Variants in CNBD1 observed in about 807,000 individuals in gnomAD.
CNBD1 encodes the protein cyclic nucleotide binding domain containing 1.
A neutral mutation model predicts 54.4 loss-of-function variants in CNBD1; 71 were observed. The ratio of observed to expected loss-of-function variants is 1.30; its 90% CI spans 1.08 to 1.59. CNBD1 has a LOEUF of 1.59. Ranked by LOEUF, CNBD1 falls within the 40% of genes most tolerant of loss-of-function variation. The pLI, the probability that CNBD1 is intolerant of heterozygous loss-of-function variation, is 0.00. For missense variants in CNBD1, 659 were observed against 518.0 expected (o/e 1.27, Z -2.64); for synonymous variants, 182 against 170.7 (o/e 1.07, Z -0.51).
chr8:87,255,723 C>G (rs1338627744), intron 6 of CNBD1, among the ~76,000 whole-genome samples: 2 of 151,468 alleles, frequency 1.3e-5, no homozygotes, highest in African/African-American at 4.8e-5. Flanking sequence ...TAACTTCCAA[C>G]ATTGACCCTA....
intron 8 of CNBD1, among the ~76,000 whole-genome samples, chr8:87,304,898 G>C (rs1485336388): frequency 6.6e-6 from 1 of 152,008 alleles, no homozygotes; most frequent in Non-Finnish European, 1.5e-5. Flanking sequence ...CATAGTACTG[G>C]AAATCCTTAT....
intron 10 of CNBD1, among the ~76,000 whole-genome samples, chr8:87,372,229 C>T (rs185912159): frequency 1.4e-3 from 212 of 152,008 alleles, no homozygotes; most frequent in Non-Finnish European, 2.2e-3. Context: ...GAGTGAACTC[C>T]CGTTCATAAT....
intron 10 of CNBD1, among the ~76,000 whole-genome samples, chr8:87,372,905 A>T (rs368539467): frequency 6.6e-5 from 10 of 151,928 alleles, no homozygotes; most frequent in African/African-American, 2.4e-4. Context: ...AACTTTGCAT[A>T]TAACTGTGGT....
chr8:87,353,895 T>C, intron 10 of CNBD1, 109 bp downstream of exon 10: 1 of 723,496 alleles, frequency 1.4e-6, no homozygotes, highest in Non-Finnish European at 2.2e-6. Context: ...AAATTGGGGT[T>C]CACCTGCAAA....
At chr8:87,007,663 C>T (rs1300703453) in intron 4 of CNBD1, among the ~76,000 whole-genome samples, 1 of 152,052 alleles carries the variant, frequency 6.6e-6, no homozygotes, top group Non-Finnish European at 1.5e-5. Context: ...ACTTACTATA[C>T]TTCAGTGGAA....
intron 3 of CNBD1, among the ~76,000 whole-genome samples, chr8:86,917,961 C>T (rs1809213617): frequency 6.6e-6 from 1 of 152,164 alleles, no homozygotes; most frequent in African/African-American, 2.4e-5. Flanking sequence ...GATCTGTGAG[C>T]TCATGAGAAA....
At chr8:87,366,727 T>C (rs1810650017) in intron 10 of CNBD1, among the ~76,000 whole-genome samples, 1 of 152,044 alleles carries the variant, frequency 6.6e-6, no homozygotes, top group South Asian at 2.1e-4. Context: ...ATGACAGGTA[T>C]CTCTGCTTTC....
At chr8:87,009,056 T>C (rs568177762) in intron 4 of CNBD1, among the ~76,000 whole-genome samples, 1 of 152,170 alleles carries the variant, frequency 6.6e-6, no homozygotes, top group South Asian at 2.1e-4. Context: ...TTTACCATTT[T>C]CTTGGTTTCT....
chr8:87,094,776 G>A (rs1378191190), intron 4 of CNBD1, among the ~76,000 whole-genome samples: 11 of 152,158 alleles, frequency 7.2e-5, no homozygotes, highest in African/African-American at 1.7e-4. Flanking sequence ...AGTGGCTCAC[G>A]CCTGTAATCC....
At chr8:87,084,188 T>C (rs141840531) in intron 4 of CNBD1, among the ~76,000 whole-genome samples, 23 of 152,374 alleles carry the variant, frequency 1.5e-4, no homozygotes, top group African/African-American at 5.0e-4. Context: ...TACTTTAATA[T>C]TATTTTTGCT....
chr8:87,323,655 A>G (rs1171974924), intron 8 of CNBD1, among the ~76,000 whole-genome samples: 45 of 135,112 alleles, frequency 3.3e-4, no homozygotes, highest in South Asian at 2.3e-3. Flanking sequence ...TTGATTTTGT[A>G]TCCTGAGACT....
chr8:86,947,620 A>G (rs1012341859), intron 4 of CNBD1, among the ~76,000 whole-genome samples: 1 of 151,920 alleles, frequency 6.6e-6, no homozygotes, highest in East Asian at 1.9e-4. Context: ...TTCACTTTTT[A>G]TTTTTTTATT....
chr8:86,954,098 TC>T (rs1421622850), intron 4 of CNBD1, among the ~76,000 whole-genome samples: 7 of 152,196 alleles, frequency 4.6e-5, no homozygotes, highest in African/African-American at 1.7e-4. Context: ...GACTTAGTCT[TC>T]CAAACAATTT....
chr8:87,023,694 C>A (rs999916574), intron 4 of CNBD1, among the ~76,000 whole-genome samples: 2 of 152,178 alleles, frequency 1.3e-5, no homozygotes, highest in African/African-American at 2.4e-5. Context: ...GGCTTAATCA[C>A]ACTGAGTTAG....
chr8:87,363,561 A>G (rs958209835), intron 10 of CNBD1, among the ~76,000 whole-genome samples: 1 of 152,104 alleles, frequency 6.6e-6, no homozygotes, highest in Non-Finnish European at 1.5e-5. Context: ...CTGGCATGAG[A>G]TGGTATCTCA....
At chr8:87,203,007 A>T (rs942117637) in intron 4 of CNBD1, among the ~76,000 whole-genome samples, 1 of 152,122 alleles carries the variant, frequency 6.6e-6, no homozygotes, top group African/African-American at 2.4e-5. Context: ...CATGGGCTGA[A>T]ACTCTCAAAC....
chr8:86,888,622 G>A (rs1405242372), intron 2 of CNBD1, among the ~76,000 whole-genome samples: 1 of 152,058 alleles, frequency 6.6e-6, no homozygotes, highest in African/African-American at 2.4e-5. Flanking sequence ...ATAGCGTCTG[G>A]CACATAGTAA....
intron 2 of CNBD1, among the ~76,000 whole-genome samples, chr8:87,425,613 C>T (rs1410568001): frequency 6.6e-6 from 1 of 152,056 alleles, no homozygotes; most frequent in Non-Finnish European, 1.5e-5. Context: ...TGGAGGGTGC[C>T]TCCCAGTTAG....
At chr8:87,371,288 G>A (rs1187409492) in intron 10 of CNBD1, among the ~76,000 whole-genome samples, 2 of 151,934 alleles carry the variant, frequency 1.3e-5, no homozygotes, top group African/African-American at 2.4e-5. Flanking sequence ...GCTTGATGGG[G>A]ATGGCATTGA....
Sources: allele counts gnomAD v4.1 joint callset (sites outside exome capture counted in the v4.1 genomes callset), GRCh38; gene constraint gnomAD v4.1.1; transcripts MANE v1.5; gene names NCBI Gene and HGNC (gene_info 2026-07-23, HGNC 2026-07-21).